NAA11: variants seen among roughly 807,000 people sequenced by gnomAD.
The protein encoded by NAA11 is N-alpha-acetyltransferase 11.
A neutral mutation model predicts 16.1 loss-of-function variants in NAA11; 15 were observed. That is an observed-to-expected ratio of 0.93 (90% CI 0.62 to 1.44). The LOEUF (loss-of-function observed/expected upper bound fraction) is 1.44, where lower values mean the gene tolerates loss of function less well. Among genes scored for constraint, NAA11 ranks in the 40% most tolerant of loss-of-function variants. The pLI is 0.00. For synonymous variants in NAA11, 122 were observed against 112.4 expected (o/e 1.09, Z -0.54); for missense variants, 298 against 291.3 (o/e 1.02, Z -0.17).
chr4:79,325,882 G>A lies in NAA11; in HGVS notation c.-5C>T. 6.2e-7 allele frequency: 1 copy of A among 1,601,192 alleles called. No individual in the cohort carries two copies. Among genetic ancestry groups the A allele is most frequent in the Non-Finnish European group, 8.5e-7 (1 of 1,172,730 alleles). On this transcript the variant is annotated 5_prime_UTR_variant, in exon 1 of 2. Coordinates refer to ENST00000286794, the MANE Select transcript of NAA11 (RefSeq NM_032693.3). ...CTGAGCGTTGCGGATGTTCATAATGGCAGAGGGTAGGGAACCGGTTGGACT... is the reference window on the plus strand; with the variant it reads ...CTGAGCGTTGCGGATGTTCATAATGACAGAGGGTAGGGAACCGGTTGGACT...
chr4:79,156,531 G>A, the NAA11 span, among the ~76,000 whole-genome samples: 2 of 152,238 alleles, frequency 1.3e-5, no homozygotes, highest in South Asian at 4.2e-4. Context: ...TGCTCAGGGA[G>A]GTCAGCCTTT....
At chr4:79,183,237 C>G in the NAA11 span, among the ~76,000 whole-genome samples, 20 of 152,076 alleles carry the variant, frequency 1.3e-4, no homozygotes, top group African/African-American at 4.8e-4. Flanking sequence ...TCCCTACTTT[C>G]TTCTTACACG....
intron 1 of NAA11, among the ~76,000 whole-genome samples, chr4:79,298,362 G>A (rs1266535871): frequency 4.6e-5 from 7 of 152,190 alleles, no homozygotes; most frequent in South Asian, 2.1e-4. Flanking sequence ...GCCAGGTTGC[G>A]GGAGAAGAAA....
At chr4:79,299,930 T>G (rs1578186235) in intron 1 of NAA11, among the ~76,000 whole-genome samples, 1 of 27,370 alleles carries the variant, frequency 3.7e-5, no homozygotes, top group East Asian at 3.3e-4. Flanking sequence ...CAGGTGCTAG[T>G]TAAGTCTGAA....
the NAA11 span, among the ~76,000 whole-genome samples, chr4:79,202,638 T>G: frequency 8.4e-6 from 1 of 119,062 alleles, no homozygotes; most frequent in African/African-American, 2.8e-5. Context: ...TATATATATA[T>G]ATATATATAT....
At chr4:79,162,619 T>C in the NAA11 span, among the ~76,000 whole-genome samples, 1 of 152,228 alleles carries the variant, frequency 6.6e-6, no homozygotes, top group Admixed American at 6.5e-5. Context: ...TTAGTCACAG[T>C]CTATGGCACC....
chr4:79,253,207 A>G (rs1048769829), intron 2 of NAA11, among the ~76,000 whole-genome samples: 7 of 152,168 alleles, frequency 4.6e-5, no homozygotes, highest in Non-Finnish European at 8.8e-5. Flanking sequence ...CTAGGAGATA[A>G]TCATGTTTTG....
chr4:79,202,623 T>TTATAGATATATATATATATATATATATA, the NAA11 span, among the ~76,000 whole-genome samples: 6 of 52,622 alleles, frequency 1.1e-4, no homozygotes, highest in African/African-American at 2.7e-4. Context: ...ATATATAGTT[T>TTATAGATATATATATATATATATATATA]TATATATATA....
At position 79,323,275 on chromosome 4, in the gene NAA11, CAA is replaced by C. The variant is rs1724155970; in HGVS notation, c.*12+1899_*12+1900del. 1.3e-5 allele frequency among the ~76,000 whole-genome samples: 2 copies of C among 152,198 alleles called. 1 individual carries two copies. Among genetic ancestry groups the C allele is most frequent in the South Asian group, 4.1e-4 (2 of 4,830 alleles). ...GACCCTTGAAATTCCTAAGGCGATA[CAA>C]AGTCCTTTGATGGAAGAAATACTGT... is the stretch of plus-strand genomic sequence containing the variant. On this transcript the variant is annotated intron_variant, in intron 1 of 1. Coordinates refer to ENST00000286794, the MANE Select transcript of NAA11 (RefSeq NM_032693.3).
intron 2 of NAA11, among the ~76,000 whole-genome samples, chr4:79,277,746 A>T (rs1722691979): frequency 6.6e-6 from 1 of 151,896 alleles, no homozygotes; most frequent in Non-Finnish European, 1.5e-5. Flanking sequence ...AAATTAGCCA[A>T]TCGGAATTAG....
intron 2 of NAA11, among the ~76,000 whole-genome samples, chr4:79,253,452 T>C (rs1000380585): frequency 6.6e-6 from 1 of 152,148 alleles, no homozygotes; most frequent in African/African-American, 2.4e-5. Context: ...GGCTGAGTTC[T>C]GGAGCATACC....
chr4:79,256,047 C>G (rs1262271570), intron 2 of NAA11, among the ~76,000 whole-genome samples: 1 of 152,100 alleles, frequency 6.6e-6, no homozygotes, highest in Non-Finnish European at 1.5e-5. Context: ...TTAACTAGTC[C>G]TCAAGTTGGT....
At position 79,325,701 on chromosome 4, in the gene NAA11, T is replaced by G. The variant is rs894572816; in HGVS notation, c.177A>C (p.Lys59Asn). The change falls in exon 1 of 2, where the codon AAA becomes AAC. Residue 59 changes from lysine to asparagine, a missense_variant. By Grantham distance (94) the Lys-to-Asn change is moderately conservative. Coordinates refer to ENST00000286794, the MANE Select transcript of NAA11 (RefSeq NM_032693.3). ...GGACATCATCTGGTTCCTCCTCCAT[T>G]TTGGCCAGAACATAGCCCACAATCT... ...DGKIVGYVLA[K>N]MEEEPDDVPH... is the part of the protein sequence containing the mutation. 2 of 1,613,998 alleles carry G rather than the reference T, an allele frequency of 1.2e-6. No homozygotes were observed. The highest frequency in any genetic ancestry group is 2.7e-5 in the African/African-American group (2 of 74,896).
downstream of NAA11, among the ~76,000 whole-genome samples, chr4:79,222,188 G>C (rs1312770375): frequency 1.3e-5 from 2 of 152,058 alleles, no homozygotes; most frequent in Non-Finnish European, 2.9e-5. Context: ...ATTCTCTGAT[G>C]GTAGTTTGTA....
chr4:79,213,613 A>G, the NAA11 span, among the ~76,000 whole-genome samples: 72 of 152,228 alleles, frequency 4.7e-4, no homozygotes, highest in Non-Finnish European at 8.2e-4. Flanking sequence ...GTGTGTTTCA[A>G]TTTAGTTGAT....
At chr4:79,277,336 C>T (rs768146975) in intron 2 of NAA11, among the ~76,000 whole-genome samples, 1 of 152,036 alleles carries the variant, frequency 6.6e-6, no homozygotes, top group African/African-American at 2.4e-5. Flanking sequence ...GGTGCAGAGG[C>T]TCATAAAAAT....
chr4:79,289,299 T>C (rs1560451305), intron 2 of NAA11, among the ~76,000 whole-genome samples: 1 of 152,220 alleles, frequency 6.6e-6, no homozygotes, highest in Non-Finnish European at 1.5e-5. Flanking sequence ...AAGTAATGGA[T>C]TTTTCAGGAT....
chr4:79,162,821 T>C, the NAA11 span, among the ~76,000 whole-genome samples: 3 of 152,124 alleles, frequency 2.0e-5, no homozygotes, highest in African/African-American at 7.2e-5. Flanking sequence ...GTAAAATGTA[T>C]CTCCATTAAG....
the NAA11 span, among the ~76,000 whole-genome samples, chr4:79,217,463 A>G: frequency 2.0e-5 from 3 of 152,188 alleles, no homozygotes; most frequent in Non-Finnish European, 1.5e-5. Context: ...TTGGCAGAGT[A>G]AATAGAAAAA....
Sources: allele counts gnomAD v4.1 joint callset (sites outside exome capture counted in the v4.1 genomes callset), GRCh38; gene constraint gnomAD v4.1.1; transcripts MANE v1.5; gene names NCBI Gene and HGNC (gene_info 2026-07-23, HGNC 2026-07-21).